SLC6A13: variants seen among roughly 807,000 people sequenced by gnomAD.
The protein encoded by SLC6A13 is sodium- and chloride-dependent GABA transporter 2.
In SLC6A13, 69 loss-of-function variants were observed where a neutral mutation model predicts 72.9. The ratio of observed to expected loss-of-function variants is 0.95; its 90% CI spans 0.78 to 1.16. The LOEUF is 1.16. Among genes scored for constraint, SLC6A13 ranks in the 50% most tolerant of loss-of-function variants. The probability of loss-of-function intolerance (pLI) is 0.00; values close to 1 mark genes in which losing one functional copy is unlikely to be tolerated. For missense variants in SLC6A13, 735 were observed against 760.5 expected (o/e 0.97, Z 0.39); for synonymous variants, 303 against 303.0 (o/e 1.00, Z 0.00).
rs1159645394 is a variant in SLC6A13, at chr12:237,149, C to G, written c.696+9G>C. Reference sequence around the variant, plus strand: ...GGGAATGGGAGGGGCAGGAGCTCCCCACACGAACCTTGCCTGTGGACTTCA... The same window carrying G: ...GGGAATGGGAGGGGCAGGAGCTCCCGACACGAACCTTGCCTGTGGACTTCA... On this transcript the variant is annotated intron_variant, in intron 6 of 14. Transcript: ENST00000343164. The G allele has an allele frequency of 3.1e-6, 5 of 1,613,708 alleles. No individual in the cohort carries two copies. Among genetic ancestry groups the G allele is most frequent in the South Asian group, 1.1e-5 (1 of 91,058 alleles).
chr12:221,588 G>T, intron 13 of SLC6A13, 42 bp from the exon 14 acceptor site: 6 of 1,355,864 alleles, frequency 4.4e-6, no homozygotes, highest in Non-Finnish European at 6.1e-6. Flanking sequence ...GGGGGCGGGG[G>T]CCTTGTGCCC....
chr12:221,196 T>C, intron 14 of SLC6A13, 126 bp from the exon 15 acceptor site: 1 of 1,371,666 alleles, frequency 7.3e-7, no homozygotes, highest in East Asian at 2.5e-5. Context: ...AGCCCCTGTC[T>C]GGGAGTCCCC....
intron 3 of SLC6A13, 117 bp from the exon 4 acceptor site, chr12:242,871 T>C: frequency 3.7e-6 from 3 of 820,188 alleles, no homozygotes; most frequent in Admixed American, 2.9e-5. Flanking sequence ...GAGTTCAATT[T>C]ACCATTGAGG....
At position 220,687 on chromosome 12, in the gene SLC6A13, C is replaced by T. The variant is rs1018088855; in HGVS notation, c.*261G>A. 1 of 447,544 alleles carries T rather than the reference C, an allele frequency of 2.2e-6. No individual in the cohort carries two copies. The allele number at this position is 447,544 out of a possible 1,614,324, so 27.7% of individuals were successfully genotyped here. A position where few individuals can be genotyped will look rare whatever the true frequency, so the allele number is the denominator to read the frequency against. On this transcript the variant is annotated 3_prime_UTR_variant, in exon 15 of 15. Transcript: ENST00000343164. ...AGGGCCCGAAGCCAGCAAGTCTCGC[C>T]CCACCTACCAGCCCCCACCCAGCTT...
chr12:228,047 G>A (rs1410982638), intron 7 of SLC6A13, among the ~76,000 whole-genome samples: 2 of 152,126 alleles, frequency 1.3e-5, no homozygotes, highest in Non-Finnish European at 2.9e-5. Flanking sequence ...AGGAATCCAG[G>A]CACAGGGTCT....
At position 235,132 on chromosome 12, in the gene SLC6A13, C is replaced by T. The variant is rs749625172; in HGVS notation, c.789G>A (p.Gln263=). The change falls in exon 7 of 15, where the codon CAG becomes CAA. Residue 263 remains glutamine (Q), a synonymous_variant. Coordinates refer to ENST00000343164, the MANE Select transcript of SLC6A13 (RefSeq NM_016615.5). ...VTLPGAAQGI[Q]FYLYPNLTRL... is the part of the protein sequence containing the mutation. ...GCGTGAGGTTTGGGTACAGGTAAAA[C>T]TGAATTCCTTGGGCTGCCCCAGGCA... is the stretch of plus-strand genomic sequence containing the variant. The T allele has an allele frequency of 3.1e-6, 5 of 1,614,130 alleles. No homozygotes were observed. The highest frequency in any genetic ancestry group is 4.5e-5 in the East Asian group (2 of 44,896).
chr12:249,434 G>A (rs1254886966), intron 2 of SLC6A13, among the ~76,000 whole-genome samples: 2 of 151,998 alleles, frequency 1.3e-5, no homozygotes, highest in Non-Finnish European at 2.9e-5. Context: ...CATGACAAAT[G>A]AGATGTATCC....
chr12:224,706 G>A (rs1941366436), intron 9 of SLC6A13, among the ~76,000 whole-genome samples, 193 bp from the exon 10 acceptor site: 1 of 152,186 alleles, frequency 6.6e-6, no homozygotes, highest in Non-Finnish European at 1.5e-5. Context: ...CATTTCCAAG[G>A]TACCTCTCAC....
chr12:225,171 C>T (rs1941392042), intron 9 of SLC6A13, among the ~76,000 whole-genome samples: 1 of 152,226 alleles, frequency 6.6e-6, no homozygotes, highest in Non-Finnish European at 1.5e-5. Flanking sequence ...AAGCCTGAGT[C>T]CACCCATGGG....
At position 234,951 on chromosome 12, in the gene SLC6A13, A is replaced by G. The variant is rs1307761880; in HGVS notation, c.831+139T>C. On this transcript the variant is annotated intron_variant, in intron 7 of 14. Coordinates refer to ENST00000343164, the MANE Select transcript of SLC6A13 (RefSeq NM_016615.5). Reference sequence around the variant, plus strand: ...CCGGCAACAAACAGATGTCTAGAGAAGGAAGGGTGCACCTCTGCTGCCACT... The same window carrying G: ...CCGGCAACAAACAGATGTCTAGAGAGGGAAGGGTGCACCTCTGCTGCCACT... The G allele has an allele frequency of 3.3e-6, 3 of 906,898 alleles. No individual in the cohort carries two copies. The African/African-American group carries it at 5.0e-5, about 15-fold the overall frequency. The allele number at this position is 906,898 out of a possible 1,614,324, so 56.2% of individuals were successfully genotyped here. A position where few individuals can be genotyped will look rare whatever the true frequency, so the allele number is the denominator to read the frequency against.
In SLC6A13 at chr12:243,771, C is replaced by A. The variant is rs145400207; in HGVS notation, c.245G>T (p.Gly82Val). The change falls in exon 3 of 15, where the codon GGC becomes GTC. Residue 82 changes from glycine to valine, a missense_variant. By Grantham distance (109) the Gly-to-Val change is moderately radical (BLOSUM62 -3). Transcript: ENST00000343164. ...TGTCTCCAGAAGGAAGACAGGAATG[C>A]CACAGGTAAAGAGGAAGACGAGGTA... ...IPYLVFLFTC[G>V]IPVFLLETAL... 1 of 1,614,138 alleles carries A rather than the reference C, an allele frequency of 6.2e-7. No individual in the cohort carries two copies. Among genetic ancestry groups the A allele is most frequent in the African/African-American group, 1.3e-5 (1 of 75,058 alleles).
chr12:235,054 G>C (rs768829526), intron 7 of SLC6A13, 36 bp downstream of exon 7: 1 of 1,613,440 alleles, frequency 6.2e-7, no homozygotes, highest in Non-Finnish European at 8.5e-7. Flanking sequence ...AGTTGCCCTG[G>C]GAGTCACGTG....
chr12:224,295 G>A, intron 10 of SLC6A13, 106 bp downstream of exon 10: 1 of 1,335,208 alleles, frequency 7.5e-7, no homozygotes. Flanking sequence ...TCAAGCTCCT[G>A]TGTCCCCAAA....
In SLC6A13 at chr12:259,837, G is replaced by C. The variant is rs200085945; in HGVS notation, c.202+14C>G. The C allele has an allele frequency of 8.4e-5, 136 of 1,614,024 alleles. No individual in the cohort carries two copies. The highest frequency in any genetic ancestry group is 1.1e-4 in the Non-Finnish European group (129 of 1,180,028). On this transcript the variant is annotated intron_variant, in intron 2 of 14. Transcript: ENST00000343164. ...CCAGGAGTGGGTGGGGTGGCACAAG[G>C]GCTCTCATCTCACCTCCCCCATTTT...
At chr12:253,946 TC>T (rs1399854194) in intron 2 of SLC6A13, among the ~76,000 whole-genome samples, 2 of 152,226 alleles carry the variant, frequency 1.3e-5, no homozygotes, top group African/African-American at 4.8e-5. Flanking sequence ...GACGGTTTTT[TC>T]ATCTGGGCTG....
chr12:227,535 G>A (rs1280238902), intron 8 of SLC6A13, 30 bp downstream of exon 8: 2 of 1,612,878 alleles, frequency 1.2e-6, no homozygotes, highest in South Asian at 1.1e-5. Context: ...AGATGCAGGT[G>A]TGTGGCTCAG....
chr12:248,910 G>A (rs1242677328), intron 2 of SLC6A13, among the ~76,000 whole-genome samples: 1 of 152,144 alleles, frequency 6.6e-6, no homozygotes, highest in Non-Finnish European at 1.5e-5. Context: ...ATCTCAGTAA[G>A]TTTAAAAGCA....
chr12:256,216 G>T (rs1942739698), intron 2 of SLC6A13, among the ~76,000 whole-genome samples: 1 of 152,150 alleles, frequency 6.6e-6, no homozygotes, highest in Non-Finnish European at 1.5e-5. Flanking sequence ...ACAGGGAATT[G>T]GTCCGTTTTG....
chr12:225,197 G>A (rs546747840), intron 9 of SLC6A13, among the ~76,000 whole-genome samples: 13 of 152,398 alleles, frequency 8.5e-5, no homozygotes, highest in African/African-American at 2.9e-4. Context: ...CCTCTGAAGA[G>A]TGAAGAGCAT....
Sources: allele counts gnomAD v4.1 joint callset (sites outside exome capture counted in the v4.1 genomes callset), GRCh38; gene constraint gnomAD v4.1.1; transcripts MANE v1.5; gene names NCBI Gene and HGNC (gene_info 2026-07-23, HGNC 2026-07-21).